XIRP2: variants seen among roughly 807,000 people sequenced by gnomAD.
XIRP2 encodes xin actin binding repeat containing 2.
XIRP2 carries 236 observed loss-of-function variants against 277.0 expected under a neutral mutation model. The observed-to-expected ratio is 0.85, with a 90% confidence interval of 0.77 to 0.95. The LOEUF (loss-of-function observed/expected upper bound fraction) is 0.95. Among genes scored for constraint, XIRP2 ranks in the 40% least tolerant of loss-of-function variants. The probability of loss-of-function intolerance (pLI) is 0.00; values close to 1 mark genes in which losing one functional copy is unlikely to be tolerated. For missense variants in XIRP2, 4,640 were observed against 4,157.5 expected, an observed-to-expected ratio of 1.12 and a Z score of -3.19; for synonymous variants, 1,490 against 1,416.5, an observed-to-expected ratio of 1.05 and a Z score of -1.17.
At chr2:167,111,993 G>A (rs1025293324) in intron 2 of XIRP2, among the ~76,000 whole-genome samples, 1 of 152,062 alleles carries the variant, frequency 6.6e-6, no homozygotes, top group Non-Finnish European at 1.5e-5. Context: ...GTACTTCTGT[G>A]GGGTCAGTGA....
intron 3 of XIRP2, among the ~76,000 whole-genome samples, chr2:167,168,696 G>C (rs974921508): frequency 7.9e-5 from 12 of 152,088 alleles, no homozygotes; most frequent in Non-Finnish European, 2.9e-5. Context: ...CTCACTGCAA[G>C]CTCCGCCTCC....
chr2:167,162,423 T>C (rs778111963), intron 3 of XIRP2, among the ~76,000 whole-genome samples: 6 of 152,172 alleles, frequency 3.9e-5, no homozygotes, highest in Non-Finnish European at 8.8e-5. Context: ...CTCACAATCA[T>C]GGCAGAAGGT....
chr2:167,123,004 G>T (rs1691099515), intron 2 of XIRP2, among the ~76,000 whole-genome samples: 1 of 152,148 alleles, frequency 6.6e-6, no homozygotes, highest in East Asian at 1.9e-4. Context: ...AAATCTGTCA[G>T]ATGTTAATAA....
At chr2:166,972,966 T>C (rs968551016) in intron 2 of XIRP2, among the ~76,000 whole-genome samples, 1 of 152,218 alleles carries the variant, frequency 6.6e-6, no homozygotes, top group Non-Finnish European at 1.5e-5. Flanking sequence ...TGACATGATA[T>C]GAACTGTGAA....
intron 2 of XIRP2, among the ~76,000 whole-genome samples, chr2:166,956,188 G>T (rs149694595): frequency 6.6e-6 from 1 of 151,808 alleles, no homozygotes; most frequent in Non-Finnish European, 1.5e-5. Flanking sequence ...AATAACAAGC[G>T]TGCGTCGATC....
At chr2:167,059,846 A>G (rs78432315) in intron 2 of XIRP2, among the ~76,000 whole-genome samples, 1 of 152,222 alleles carries the variant, frequency 6.6e-6, no homozygotes, top group African/African-American at 2.4e-5. Context: ...ATCAGCAAGC[A>G]TGATGCTAGC....
At chr2:167,076,142 A>G (rs556484895) in intron 2 of XIRP2, among the ~76,000 whole-genome samples, 1 of 152,340 alleles carries the variant, frequency 6.6e-6, no homozygotes, top group Non-Finnish European at 1.5e-5. Flanking sequence ...TTATGAAAAA[A>G]AAAGTGTTTC....
chr2:167,235,050 G>T (rs1164129003), intron 5 of XIRP2, among the ~76,000 whole-genome samples: 1 of 151,706 alleles, frequency 6.6e-6, no homozygotes, highest in Non-Finnish European at 1.5e-5. Flanking sequence ...GTATGTGTTT[G>T]CTCTCTTTGT....
rs1013318278 is a variant in XIRP2, at chr2:167,024,664, G to T, written c.409-111245G>T. On this transcript the variant is annotated intron_variant, in intron 2 of 10. Coordinates refer to ENST00000409195, the MANE Select transcript of XIRP2 (RefSeq NM_152381.6). The stretch of plus-strand genomic sequence containing the variant: ...ATGTATTGAGAGTTTTTAGCATGAC[G>T]TGTTGTTGAATTTTGTCAAAGGCCT... Among the ~76,000 whole-genome samples the T allele has an allele frequency of 2.6e-4, 39 of 152,258 alleles. 1 individual carries two copies. The highest frequency in any genetic ancestry group is 7.7e-4 in the African/African-American group (32 of 41,554).
intron 3 of XIRP2, among the ~76,000 whole-genome samples, chr2:167,185,747 A>T (rs1001129852): frequency 6.6e-6 from 1 of 152,186 alleles, no homozygotes; most frequent in Admixed American, 6.5e-5. Context: ...TTTTGCATAT[A>T]GCAAACTAAA....
intron 4 of XIRP2, 31 bp downstream of exon 4, chr2:167,210,926 C>G (rs1352136335): frequency 1.9e-6 from 3 of 1,611,388 alleles, no homozygotes; most frequent in Non-Finnish European, 8.5e-7. Flanking sequence ...TTGCACTAGG[C>G]AATGTGCTTA....
chr2:167,034,599 A>T (rs912675258), intron 2 of XIRP2, among the ~76,000 whole-genome samples: 3 of 152,150 alleles, frequency 2.0e-5, no homozygotes, highest in African/African-American at 7.2e-5. Flanking sequence ...ATGGAAAATG[A>T]TATCCCATGC....
chr2:167,234,683 T>C (rs1216412035), intron 5 of XIRP2, among the ~76,000 whole-genome samples: 2 of 151,866 alleles, frequency 1.3e-5, no homozygotes, highest in African/African-American at 4.8e-5. Context: ...GCAGAGTTAC[T>C]ATTGAATTAA....
chr2:167,225,914 A>G (rs1694584548), intron 5 of XIRP2, among the ~76,000 whole-genome samples: 1 of 152,164 alleles, frequency 6.6e-6, no homozygotes, highest in Non-Finnish European at 1.5e-5. Flanking sequence ...TTAACTTTTT[A>G]ATGCTGAAGC....
At chr2:166,980,749 T>C (rs1686842545) in intron 2 of XIRP2, among the ~76,000 whole-genome samples, 1 of 152,210 alleles carries the variant, frequency 6.6e-6, no homozygotes, top group Non-Finnish European at 1.5e-5. Flanking sequence ...GTAATACTAA[T>C]GTAGTTATTG....
At chr2:167,096,390 T>C (rs1047238087) in intron 2 of XIRP2, among the ~76,000 whole-genome samples, 3 of 152,088 alleles carry the variant, frequency 2.0e-5, no homozygotes, top group Admixed American at 6.5e-5. Context: ...GGATCAGTGG[T>C]GATCTCCCCT....
chr2:167,048,621 G>C (rs1274456875), intron 2 of XIRP2, among the ~76,000 whole-genome samples: 3 of 151,430 alleles, frequency 2.0e-5, no homozygotes, highest in African/African-American at 7.3e-5. Context: ...TATCCTTTAG[G>C]ACACAGAAGA....
At chr2:167,209,814 A>G (rs1430808818) in intron 3 of XIRP2, among the ~76,000 whole-genome samples, 2 of 152,078 alleles carry the variant, frequency 1.3e-5, no homozygotes, top group Non-Finnish European at 2.9e-5. Flanking sequence ...GGAGAATCAC[A>G]TAACAATGGA....
In XIRP2 at chr2:167,246,115, G is replaced by T; in HGVS notation, c.4723G>T (p.Asp1575Tyr). The change falls in exon 9 of 11, where the codon GAT becomes TAT. Residue 1575 changes from aspartate (D) to tyrosine (Y), a missense_variant. Physicochemically the swap from Asp to Tyr is radical, Grantham distance 160 (BLOSUM62 -3). Coordinates refer to ENST00000409195, the MANE Select transcript of XIRP2 (RefSeq NM_152381.6). ...GGCTCCTGGAATCATCATTGAAGCT[G>T]ATGAAATAGGGGATGTTCGAATGGC... ...IQAPGIIIEA[D>Y]EIGDVRMAKY... is the part of the protein sequence containing the mutation. 6.2e-7 allele frequency: 1 copy of T among 1,613,560 alleles called. No homozygotes were observed. Among genetic ancestry groups the T allele is most frequent in the South Asian group, 1.1e-5 (1 of 91,000 alleles).
Sources: allele counts gnomAD v4.1 joint callset (sites outside exome capture counted in the v4.1 genomes callset), GRCh38; gene constraint gnomAD v4.1.1; transcripts MANE v1.5; gene names NCBI Gene and HGNC (gene_info 2026-07-23, HGNC 2026-07-21).